Variants in NUP210L observed in about 807,000 individuals in gnomAD.
NUP210L encodes the protein nucleoporin 210 like.
NUP210L carries 74 observed loss-of-function variants against 208.5 expected under a neutral mutation model. The observed-to-expected ratio is 0.35, with a 90% CI of 0.29 to 0.43. NUP210L has a LOEUF of 0.43. Among genes scored for constraint, NUP210L ranks in the 20% least tolerant of loss-of-function variants. NUP210L has a pLI of 1.00. For synonymous variants in NUP210L, 780 were observed against 816.9 expected (o/e 0.95, Z 0.77); for missense variants, 1,843 against 2,289.4 (o/e 0.81, Z 3.98).
chr1:154,089,256 TGC>T (rs1655778867), intron 16 of NUP210L, among the ~76,000 whole-genome samples, 163 bp downstream of exon 16: 1 of 152,194 alleles, frequency 6.6e-6, no homozygotes, highest in Non-Finnish European at 1.5e-5. Flanking sequence ...ATGGTACAGC[TGC>T]TGTGGAAAAC....
Position 154,136,003 on chromosome 1 carries a change from T to C in NUP210L, c.851-31A>G, listed in dbSNP as rs201944102. Reference sequence around the variant, plus strand: ...AGACATGAAAGATACATAAATGTAATGACAGCAGCCATTCCAGTAGATAAT... The same window carrying C: ...AGACATGAAAGATACATAAATGTAACGACAGCAGCCATTCCAGTAGATAAT... On this transcript the variant is annotated intron_variant, in intron 6 of 39. Transcript: ENST00000368559. The C allele has an allele frequency of 6.5e-5, 96 of 1,474,076 alleles. No individual in the cohort carries two copies. In the African/African-American group the frequency reaches 7.6e-4, roughly 12 times the overall value. The allele number at this position is 1,474,076 out of a possible 1,614,324, so 91.3% of individuals were successfully genotyped here. A position where few individuals can be genotyped will look rare whatever the true frequency, so the allele number is the denominator to read the frequency against.
At chr1:154,075,871 C>A (rs1030398711) in intron 16 of NUP210L, among the ~76,000 whole-genome samples, 1 of 151,670 alleles carries the variant, frequency 6.6e-6, no homozygotes, top group Admixed American at 6.6e-5. Flanking sequence ...CTCACTGCAT[C>A]CTCTGCCTCC....
chr1:153,995,711 G>A lies in NUP210L; in HGVS notation c.5387-531C>T, dbSNP rs1246602359. 8.3e-6 allele frequency: 8 copies of A among 964,184 alleles called. No individual in the cohort carries two copies. In the South Asian group the frequency reaches 8.9e-5, roughly 11 times the overall value. 59.7% of individuals were successfully genotyped at this position (964,184 alleles called of 1,614,324 possible). On this transcript the variant is annotated intron_variant, in intron 37 of 39. Coordinates refer to ENST00000368559, the Ensembl canonical transcript of NUP210L. ...AAAACTAGGCTGTCCCAAACCCTTG[G>A]TAATAGAATTGTTTACCTTTATACC...
chr1:154,075,701 G>A (rs537100726), intron 16 of NUP210L, among the ~76,000 whole-genome samples: 1 of 152,040 alleles, frequency 6.6e-6, no homozygotes, highest in African/African-American at 2.4e-5. Context: ...AAAGAAATAA[G>A]TATGGTCCAT....
intron 27 of NUP210L, among the ~76,000 whole-genome samples, chr1:154,043,391 C>A (rs1226444797): frequency 6.8e-6 from 1 of 147,174 alleles, no homozygotes; most frequent in Admixed American, 6.8e-5. Context: ...CTCAGTTCAC[C>A]ACAACCTCCA....
chr1:154,048,634 T>A (rs1170473980), intron 25 of NUP210L, among the ~76,000 whole-genome samples: 1 of 152,148 alleles, frequency 6.6e-6, no homozygotes, highest in African/African-American at 2.4e-5. Flanking sequence ...CCCTGTACAA[T>A]GTCTGTCCCC....
chr1:154,006,300 GA>G (rs577291940), intron 35 of NUP210L, among the ~76,000 whole-genome samples: 11 of 145,834 alleles, frequency 7.5e-5, no homozygotes, highest in Admixed American at 4.8e-4. Flanking sequence ...CTTATTTTTG[GA>G]AAAAAAAACA....
At chr1:154,063,989 TA>T (rs2148002317) in intron 17 of NUP210L, among the ~76,000 whole-genome samples, 1 of 149,140 alleles carries the variant, frequency 6.7e-6, no homozygotes, top group African/African-American at 2.4e-5. Flanking sequence ...TTATACATAA[TA>T]TGTATATATT....
chr1:154,143,199 C>A (rs1658943992), intron 3 of NUP210L, among the ~76,000 whole-genome samples: 1 of 120,112 alleles, frequency 8.3e-6, no homozygotes. Flanking sequence ...CCTCCCCCTG[C>A]CCAAAAAAAA....
chr1:154,131,421 C>T (rs189430227), intron 7 of NUP210L, among the ~76,000 whole-genome samples: 1 of 152,124 alleles, frequency 6.6e-6, no homozygotes, highest in African/African-American at 2.4e-5. Context: ...AAGATCTAAG[C>T]CTTCCATCTG....
chr1:154,154,740 C>A lies in NUP210L; in HGVS notation c.203+102G>T, dbSNP rs1245274770. 16 of 929,606 alleles carry A rather than the reference C, an allele frequency of 1.7e-5. No individual in the cohort carries two copies. In the South Asian group the frequency reaches 2.2e-4, roughly 13 times the overall value. 57.6% of individuals were successfully genotyped at this position (929,606 alleles called of 1,614,324 possible). On this transcript the variant is annotated intron_variant, in intron 1 of 39. Transcript: ENST00000368559. ...CCCCTACCGGCTAGGCCCCTTCACG[C>A]GGCCCCACACGGTATTCCTGTGGGA...
intron 16 of NUP210L, among the ~76,000 whole-genome samples, chr1:154,072,242 C>T (rs1654776507): frequency 6.6e-6 from 1 of 151,844 alleles, no homozygotes; most frequent in African/African-American, 2.4e-5. Flanking sequence ...ACATTTTGAC[C>T]AGCAGCATAA....
At chr1:153,993,901 AATT>A (rs1374380042) in intron 38 of NUP210L, among the ~76,000 whole-genome samples, 2 of 152,078 alleles carry the variant, frequency 1.3e-5, no homozygotes, top group African/African-American at 4.8e-5. Flanking sequence ...ATCTCAAAAA[AATT>A]TTTTTTTAGA....
At chr1:154,133,418 G>T (rs1658357888) in intron 7 of NUP210L, among the ~76,000 whole-genome samples, 1 of 152,046 alleles carries the variant, frequency 6.6e-6, no homozygotes, top group African/African-American at 2.4e-5. Flanking sequence ...TGGCACGGTG[G>T]TGTATGCCTA....
At chr1:154,123,697 G>C (rs1196830492) in intron 10 of NUP210L, among the ~76,000 whole-genome samples, 1 of 151,870 alleles carries the variant, frequency 6.6e-6, no homozygotes, top group East Asian at 1.9e-4. Context: ...GGCCAACATA[G>C]TAAAACCTTG....
intron 17 of NUP210L, among the ~76,000 whole-genome samples, chr1:154,066,958 C>G (rs1205367682): frequency 4.6e-5 from 7 of 152,100 alleles, no homozygotes; most frequent in African/African-American, 1.7e-4. Context: ...TAATAGTCTA[C>G]CAACCAAAAA....
chr1:154,057,242 T>TA (rs1653917261), intron 22 of NUP210L, among the ~76,000 whole-genome samples: 1 of 152,166 alleles, frequency 6.6e-6, no homozygotes, highest in African/African-American at 2.4e-5. Context: ...CCTCCCATCA[T>TA]GCTGGGATTG....
chr1:154,063,781 A>T (rs1405216346), intron 17 of NUP210L, among the ~76,000 whole-genome samples: 4 of 152,118 alleles, frequency 2.6e-5, no homozygotes, highest in African/African-American at 9.7e-5. Context: ...AGAGCTCAGT[A>T]AATAGCAACC....
chr1:154,133,316 G>T (rs1172540204), intron 7 of NUP210L, among the ~76,000 whole-genome samples: 1 of 152,082 alleles, frequency 6.6e-6, no homozygotes, highest in Non-Finnish European at 1.5e-5. Context: ...AGCACTTTGG[G>T]AGGCCTAGGC....
Sources: allele counts gnomAD v4.1 joint callset (sites outside exome capture counted in the v4.1 genomes callset), GRCh38; gene constraint gnomAD v4.1.1; transcripts MANE v1.5; gene names NCBI Gene and HGNC (gene_info 2026-07-23, HGNC 2026-07-21).